The following ZNF789 variants were observed in gnomAD, a reference collection of about 807,000 sequenced individuals.
ZNF789 encodes zinc finger protein 789.
ZNF789 carries 11 observed loss-of-function variants against 15.6 expected under a neutral mutation model. The observed-to-expected ratio is 0.70, with a 90% CI of 0.44 to 1.16. The LOEUF (loss-of-function observed/expected upper bound fraction) is 1.16, where lower values mean the gene tolerates loss of function less well. Ranked by LOEUF, ZNF789 falls within the 50% of genes most tolerant of loss-of-function variation. ZNF789 has a pLI of 0.00. For missense variants in ZNF789, 461 were observed against 512.6 expected (o/e 0.90, Z 0.97); for synonymous variants, 159 against 176.0 (o/e 0.90, Z 0.76).
At chr7:99,483,833 G>A in intron 3 of ZNF789, 197 bp from the exon 4 acceptor site, 1 of 782,376 alleles carries the variant, frequency 1.3e-6, no homozygotes, top group Non-Finnish European at 2.4e-6. Flanking sequence ...ATTTCTAAGA[G>A]TGAAATGACC....
chr7:99,478,497 T>G (rs1799450589), intron 2 of ZNF789: 1 of 625,764 alleles, frequency 1.6e-6, no homozygotes, highest in Non-Finnish European at 2.6e-6. Context: ...AGGATGGGGG[T>G]GGGCATTTCC....
At chr7:99,483,939 T>G in intron 3 of ZNF789, 91 bp from the exon 4 acceptor site, 1 of 984,296 alleles carries the variant, frequency 1.0e-6, no homozygotes, top group Non-Finnish European at 1.7e-6. Flanking sequence ...CCGCTTTTGA[T>G]TATTGTCCTT....
intron 2 of ZNF789, among the ~76,000 whole-genome samples, chr7:99,477,738 G>A (rs916386400): frequency 3.9e-5 from 6 of 152,172 alleles, no homozygotes; most frequent in African/African-American, 1.4e-4. Flanking sequence ...CTGAGGTCAG[G>A]AGTTTGAGAC....
At chr7:99,478,328 C>G in intron 2 of ZNF789, 8 of 1,289,672 alleles carry the variant, frequency 6.2e-6, no homozygotes, top group Middle Eastern at 2.2e-4. Context: ...CAGCGCAGCT[C>G]TGGTAAAAGA....
At chr7:99,476,092 C>G (rs548330910) in intron 1 of ZNF789, 19 of 184,230 alleles carry the variant, frequency 1.0e-4, no homozygotes, top group Admixed American at 1.9e-4. Flanking sequence ...CGTGAGCCAC[C>G]GTGCCTGGCC....
chr7:99,486,455 C>A (rs750395082), intron 4 of ZNF789, 21 bp from the exon 5 acceptor site: 49 of 1,593,356 alleles, frequency 3.1e-5, no homozygotes, highest in Admixed American at 1.2e-4. Flanking sequence ...TCATTTACAT[C>A]TTTTCTTGTT....
chr7:99,474,238 C>CACAAACA (rs1799177273), intron 1 of ZNF789, among the ~76,000 whole-genome samples: 1 of 152,172 alleles, frequency 6.6e-6, no homozygotes, highest in African/African-American at 2.4e-5. Flanking sequence ...ACATAAAATA[C>CACAAACA]ACAAACACTA....
intron 3 of ZNF789, chr7:99,482,119 T>G: frequency 2.6e-6 from 2 of 779,882 alleles, no homozygotes; most frequent in South Asian, 2.7e-5. Flanking sequence ...ACATGTAGCT[T>G]CTTCAAGCTA....
intron 3 of ZNF789, chr7:99,480,077 G>C: frequency 2.5e-6 from 1 of 396,600 alleles, no homozygotes; most frequent in Non-Finnish European, 4.4e-6. Context: ...TGTAATCCCA[G>C]CACTTTGGGA....
chr7:99,486,055 C>G (rs532322980), intron 4 of ZNF789, among the ~76,000 whole-genome samples: 1 of 152,228 alleles, frequency 6.6e-6, no homozygotes, highest in Admixed American at 6.5e-5. Context: ...CGGTGGCTCA[C>G]GCCTGTAATC....
chr7:99,479,369 A>C, intron 2 of ZNF789: 1 of 284,612 alleles, frequency 3.5e-6, no homozygotes. Flanking sequence ...TGTTCCTCTA[A>C]TCAACAGCAG....
At chr7:99,482,455 A>T in intron 3 of ZNF789, 1 of 548,288 alleles carries the variant, frequency 1.8e-6, no homozygotes. Flanking sequence ...GTTAGTGCTC[A>T]GAAAGTTTCG....
rs199858061 is a variant in ZNF789, at chr7:99,486,555, A to C, written c.345A>C (p.Ser115=). The change falls in exon 5 of 5, where the codon TCA becomes TCC. Residue 115 remains serine, a synonymous_variant. Transcript: ENST00000331410. ...FSEDLESYKI[S]VVMQESAEKL... ...AAGATTTAGAGTCATATAAGATATC[A>C]GTGGTAATGCAGGAATCAGCTGAGA... 6 of 1,614,232 alleles carry C rather than the reference A, an allele frequency of 3.7e-6. No homozygotes were observed. Among genetic ancestry groups the C allele is most frequent in the Admixed American group, 3.3e-5 (2 of 60,024 alleles).
intron 2 of ZNF789, chr7:99,478,376 C>G (rs965769707): frequency 1.5e-5 from 19 of 1,288,632 alleles, no homozygotes; most frequent in Middle Eastern, 2.2e-4. Flanking sequence ...GGCCTGCAAC[C>G]GTAGCAGTGG....
rs138157337 is a variant in ZNF789, at chr7:99,486,652, G to A, written c.442G>A (p.Asp148Asn). Reference sequence around the variant, plus strand: ...CAGGCTTACTTTCCCTACTAGTGGTGATGAATACAGCAGGGGCTTCCTTCA... The same window carrying A: ...CAGGCTTACTTTCCCTACTAGTGGTAATGAATACAGCAGGGGCTTCCTTCA... ...SCRLTFPTSG[D>N]EYSRGFLQNL... The change falls in exon 5 of 5, where the codon GAT (aspartate) becomes AAT (asparagine). Residue 148 changes from aspartate (D) to asparagine (N), a missense_variant. Physicochemically the swap from Asp to Asn is conservative, Grantham distance 23. Transcript: ENST00000331410. 1,876 of 1,614,202 alleles carry A rather than the reference G, an allele frequency of 1.2e-3. 2 individuals carry two copies. Among genetic ancestry groups the A allele is most frequent in the Non-Finnish European group, 1.5e-3 (1,790 of 1,180,048 alleles).
chr7:99,481,422 G>A (rs1204997147), intron 3 of ZNF789: 1 of 151,856 alleles, frequency 6.6e-6, no homozygotes, highest in Non-Finnish European at 1.5e-5. Context: ...AACAAACTTT[G>A]TACTGTTTTG....
rs1800023243 is a variant in ZNF789, at chr7:99,487,349, T to G, written c.1139T>G (p.Phe380Cys). 1 of 1,614,112 alleles carries G rather than the reference T, an allele frequency of 6.2e-7. No individual in the cohort carries two copies. The highest frequency in any genetic ancestry group is 1.3e-5 in the African/African-American group (1 of 74,932). The change falls in exon 5 of 5, where the codon TTT becomes TGT. Residue 380 changes from phenylalanine to cysteine, a missense_variant. Transcript: ENST00000331410. ...QCGECGKTFS[F>C]KRNLFRHQVI... is the part of the protein sequence containing the mutation. The stretch of plus-strand genomic sequence containing the variant: ...GGAGAATGTGGGAAAACGTTTAGTT[T>G]TAAGAGGAATCTTTTTCGACATCAG...
chr7:99,474,044 T>G (rs1209584966), intron 1 of ZNF789, among the ~76,000 whole-genome samples: 4 of 152,200 alleles, frequency 2.6e-5, no homozygotes, highest in African/African-American at 4.8e-5. Context: ...TTTAAATGCC[T>G]TACATGGCTG....
In ZNF789 at chr7:99,484,147, G is replaced by A. The variant is rs1799789546; in HGVS notation, c.265+4G>A. On this transcript the variant is annotated splice_donor_region_variant and intron_variant, in intron 4 of 4. Coordinates refer to ENST00000331410, the MANE Select transcript of ZNF789 (RefSeq NM_213603.3). ...GCTTCCGGTAGTGCTTGCCCAGGTG[G>A]GTGAGGAAGAGACCCAGGCGAGTGG... 1 of 1,611,890 alleles carries A rather than the reference G, an allele frequency of 6.2e-7. No individual in the cohort carries two copies. The highest frequency in any genetic ancestry group is 1.7e-5 in the Admixed American group (1 of 59,900).
Sources: allele counts gnomAD v4.1 joint callset (sites outside exome capture counted in the v4.1 genomes callset), GRCh38; gene constraint gnomAD v4.1.1; transcripts MANE v1.5; gene names NCBI Gene and HGNC (gene_info 2026-07-23, HGNC 2026-07-21).